Variants in GPHN observed in about 807,000 individuals in gnomAD.
The protein encoded by GPHN is gephyrin.
A neutral mutation model predicts 95.5 loss-of-function variants in GPHN; 17 were observed. The observed-to-expected ratio is 0.18, with a 90% CI of 0.12 to 0.27. The LOEUF is 0.27. Among genes scored for constraint, GPHN ranks in the 10% least tolerant of loss-of-function variants. GPHN has a pLI of 1.00. For missense variants in GPHN, 660 were observed against 978.1 expected (o/e 0.67, Z 4.34); for synonymous variants, 320 against 322.5 (o/e 0.99, Z 0.08).
intron 9 of GPHN, chr14:66,969,576 G>A (rs1202136464): frequency 6.6e-6 from 1 of 152,232 alleles, no homozygotes; most frequent in Non-Finnish European, 1.5e-5. Flanking sequence ...AAGGCCAGTG[G>A]ATTGCTTGAG....
chr14:66,863,606 G>T (rs2063116896), intron 4 of GPHN, among the ~76,000 whole-genome samples: 1 of 152,010 alleles, frequency 6.6e-6, no homozygotes, highest in Admixed American at 6.6e-5. Context: ...GCATGGTACT[G>T]GCATAAAAAC....
chr14:67,577,219 TA>T, the GPHN span: 1 of 868,600 alleles, frequency 1.2e-6, no homozygotes, highest in South Asian at 1.5e-5. Flanking sequence ...ATCTTCCCCA[TA>T]AATTAAAGAT....
chr14:67,721,573 T>C, the GPHN span, among the ~76,000 whole-genome samples: 1 of 152,076 alleles, frequency 6.6e-6, no homozygotes. Flanking sequence ...CCCACGTTCA[T>C]CATCTCTCCC....
intron 4 of GPHN, among the ~76,000 whole-genome samples, chr14:66,870,049 G>A (rs1195886520): frequency 2.0e-5 from 3 of 152,134 alleles, no homozygotes; most frequent in African/African-American, 7.2e-5. Context: ...ACTGTGTAAT[G>A]TCATTTTCTG....
intron 4 of GPHN, among the ~76,000 whole-genome samples, chr14:66,842,440 C>T (rs1174809914): frequency 6.6e-6 from 1 of 152,112 alleles, no homozygotes; most frequent in Non-Finnish European, 1.5e-5. Flanking sequence ...TTCCAAGTAC[C>T]TCCTTGCTGG....
intron 9 of GPHN, among the ~76,000 whole-genome samples, chr14:66,977,165 C>T (rs1293123660): frequency 6.6e-6 from 1 of 152,170 alleles, no homozygotes; most frequent in Non-Finnish European, 1.5e-5. Context: ...GGCGCGGTGG[C>T]TCATGCCTGT....
chr14:67,503,522 C>A, the GPHN span: 1 of 152,170 alleles, frequency 6.6e-6, no homozygotes, highest in African/African-American at 2.4e-5. Flanking sequence ...TGCATGCCAC[C>A]TTCATGACTC....
At chr14:67,388,335 G>A in the GPHN span, 1 of 1,381,342 alleles carries the variant, frequency 7.2e-7, no homozygotes, top group Non-Finnish European at 1.0e-6. Flanking sequence ...TTAGGAATTT[G>A]TGAATGAACA....
chr14:67,061,033 GT>G (rs539716457), intron 11 of GPHN, among the ~76,000 whole-genome samples: 7 of 151,580 alleles, frequency 4.6e-5, no homozygotes, highest in Non-Finnish European at 8.8e-5. Flanking sequence ...TAGTTTAGGT[GT>G]TTTTTTTCTT....
At chr14:67,018,315 A>T (rs997082648) in intron 9 of GPHN, among the ~76,000 whole-genome samples, 3 of 152,164 alleles carry the variant, frequency 2.0e-5, no homozygotes, top group African/African-American at 4.8e-5. Context: ...AACACTGCTA[A>T]AAGAGTTTAG....
the GPHN span, chr14:67,647,060 C>CA: frequency 4.7e-6 from 6 of 1,290,290 alleles, no homozygotes; most frequent in Non-Finnish European, 6.8e-6. Flanking sequence ...GGCAAACCCC[C>CA]AATGGGCAAC....
chr14:66,591,714 A>G (rs1212086345), intron 1 of GPHN, among the ~76,000 whole-genome samples: 1 of 152,260 alleles, frequency 6.6e-6, no homozygotes, highest in African/African-American at 2.4e-5. Context: ...CAATATCGTG[A>G]AAATGACCAT....
At chr14:67,095,262 A>C (rs2077311851) in intron 12 of GPHN, among the ~76,000 whole-genome samples, 1 of 152,146 alleles carries the variant, frequency 6.6e-6, no homozygotes, top group African/African-American at 2.4e-5. Flanking sequence ...TCTGCTCCTC[A>C]AAAAGGGTAA....
chr14:67,010,784 C>T (rs2072953903), intron 9 of GPHN, among the ~76,000 whole-genome samples: 1 of 151,948 alleles, frequency 6.6e-6, no homozygotes, highest in Admixed American at 6.6e-5. Flanking sequence ...ACAGCAAAGC[C>T]ACCTGAAGCA....
chr14:67,061,493 GT>G (rs1442169486), intron 11 of GPHN, among the ~76,000 whole-genome samples: 2 of 152,132 alleles, frequency 1.3e-5, no homozygotes, highest in African/African-American at 4.8e-5. Context: ...CTCTTCAGCA[GT>G]TTTTTCATAA....
chr14:66,584,256 G>A (rs989117837), intron 1 of GPHN, among the ~76,000 whole-genome samples: 5 of 152,186 alleles, frequency 3.3e-5, no homozygotes, highest in Non-Finnish European at 5.9e-5. Flanking sequence ...AGACTTTGCT[G>A]AAGTTGCTTA....
At chr14:66,936,922 G>A (rs1339567603) in intron 8 of GPHN, among the ~76,000 whole-genome samples, 1 of 152,222 alleles carries the variant, frequency 6.6e-6, no homozygotes, top group African/African-American at 2.4e-5. Context: ...TTGCAAAGTT[G>A]TAAAATCGTG....
At chr14:67,064,160 C>T (rs1454696883) in intron 11 of GPHN, among the ~76,000 whole-genome samples, 2 of 152,068 alleles carry the variant, frequency 1.3e-5, no homozygotes, top group South Asian at 2.1e-4. Context: ...TGAGTTTTGT[C>T]GAAGGCCTTT....
chr14:67,150,449 A>AAAAAAAAACG, intron 18 of GPHN, among the ~76,000 whole-genome samples: 9 of 139,978 alleles, frequency 6.4e-5, no homozygotes, highest in Non-Finnish European at 1.4e-4. Flanking sequence ...TCAAAAAAAA[A>AAAAAAAAACG]AAACAAAAAA....
Sources: gnomAD v4.1 joint callset for allele counts (sites outside exome capture counted in the v4.1 genomes callset) on GRCh38, gnomAD v4.1.1 for gene constraint, MANE v1.5 for transcripts, NCBI Gene and HGNC (gene_info 2026-07-23, HGNC 2026-07-21) for gene names.